The following PHACTR3 variants were observed in gnomAD, a reference collection of about 807,000 sequenced individuals.
The protein encoded by PHACTR3 is protein phosphatase 1, regulatory subunit 123.
PHACTR3 carries 16 observed loss-of-function variants against 66.8 expected under a neutral mutation model. The ratio of observed to expected loss-of-function variants is 0.24; its 90% CI spans 0.16 to 0.36. The LOEUF is 0.36. Ranked by LOEUF, PHACTR3 falls within the 10% of genes least tolerant of loss-of-function variation. The probability of loss-of-function intolerance (pLI) is 1.00; values close to 1 mark genes in which losing one functional copy is unlikely to be tolerated. For missense variants in PHACTR3, 647 were observed against 719.9 expected (o/e 0.90, Z 1.16); for synonymous variants, 323 against 292.1 (o/e 1.11, Z -1.08).
intron 1 of PHACTR3, among the ~76,000 whole-genome samples, chr20:59,732,039 T>C (rs1174413341): frequency 6.6e-6 from 1 of 152,222 alleles, no homozygotes; most frequent in Non-Finnish European, 1.5e-5. Flanking sequence ...CTGATAGGTC[T>C]GTTTAGGAAA....
chr20:59,617,404 T>C (rs2034067241), intron 1 of PHACTR3, among the ~76,000 whole-genome samples: 1 of 152,232 alleles, frequency 6.6e-6, no homozygotes. Flanking sequence ...TTCTCAGGAA[T>C]ATACATCACT....
chr20:59,604,719 T>A lies in PHACTR3; in HGVS notation c.-296T>A. ...TTTCCTGGTTCAACTTTTTTTTTTT[T>A]CCCTGGAATATAGACTGAAGAATGG... On this transcript the variant is annotated 5_prime_UTR_variant, in exon 1 of 13. Coordinates refer to ENST00000371015, the MANE Select transcript of PHACTR3 (RefSeq NM_080672.5). 9.5e-7 allele frequency: 1 copy of A among 1,051,180 alleles called. No homozygotes were observed. The highest frequency in any genetic ancestry group is 1.1e-6 in the Non-Finnish European group (1 of 875,792). The allele number at this position is 1,051,180 out of a possible 1,614,324, so 65.1% of individuals were successfully genotyped here.
chr20:59,802,023 G>T (rs1321824868), intron 7 of PHACTR3, among the ~76,000 whole-genome samples: 1 of 152,166 alleles, frequency 6.6e-6, no homozygotes, highest in Non-Finnish European at 1.5e-5. Flanking sequence ...CTGGGAGTGT[G>T]GTCGCTGGAG....
chr20:59,681,325 G>A (rs865282), intron 1 of PHACTR3, among the ~76,000 whole-genome samples: 36,066 of 152,076 alleles, frequency 0.24, 4,846 homozygotes, highest in East Asian at 0.62. Flanking sequence ...AGACGTTAAG[G>A]GTTGTGGAGT....
At chr20:59,670,535 G>C (rs1354249365) in intron 1 of PHACTR3, among the ~76,000 whole-genome samples, 2 of 146,566 alleles carry the variant, frequency 1.4e-5, no homozygotes, top group East Asian at 4.2e-4. Flanking sequence ...TCAATTACGT[G>C]GAAGCCTCCA....
chr20:59,746,648 T>C (rs1293911976), intron 2 of PHACTR3, among the ~76,000 whole-genome samples: 3 of 152,256 alleles, frequency 2.0e-5, no homozygotes, highest in Non-Finnish European at 4.4e-5. Flanking sequence ...CTGTTTGTCA[T>C]CTGCCTCCCC....
intron 7 of PHACTR3, among the ~76,000 whole-genome samples, chr20:59,782,014 C>T (rs1379940675): frequency 6.6e-6 from 1 of 152,090 alleles, no homozygotes. Flanking sequence ...CTATATGTCC[C>T]AATCTAGGCC....
chr20:59,612,290 G>A (rs193005071), intron 1 of PHACTR3, among the ~76,000 whole-genome samples: 300 of 152,192 alleles, frequency 2.0e-3, no homozygotes, highest in Admixed American at 3.3e-3. Context: ...GTCAGGGTGT[G>A]TGCCTGCTGG....
At chr20:59,734,433 G>A (rs180848322) in intron 1 of PHACTR3, among the ~76,000 whole-genome samples, 4 of 151,518 alleles carry the variant, frequency 2.6e-5, no homozygotes, top group East Asian at 1.9e-4. Context: ...TTTTTCCTTC[G>A]TTTTTGTAGA....
intron 7 of PHACTR3, among the ~76,000 whole-genome samples, chr20:59,800,633 C>A (rs2041384420): frequency 6.6e-6 from 1 of 152,204 alleles, no homozygotes; most frequent in African/African-American, 2.4e-5. Context: ...GGCCCAGACA[C>A]AGTTTTCTTT....
chr20:59,603,112 G>A (rs543344787), upstream of PHACTR3, among the ~76,000 whole-genome samples: 5 of 152,208 alleles, frequency 3.3e-5, no homozygotes, highest in Admixed American at 6.5e-5. Context: ...TGGATAAAAC[G>A]TATCTATTCC....
chr20:59,823,094 A>G (rs2042095527), intron 8 of PHACTR3, among the ~76,000 whole-genome samples: 1 of 152,196 alleles, frequency 6.6e-6, no homozygotes, highest in South Asian at 2.1e-4. Flanking sequence ...ACCCCAAAGG[A>G]TCTTAGCCCT....
chr20:59,801,634 G>T (rs891742101), intron 7 of PHACTR3, among the ~76,000 whole-genome samples: 1 of 152,156 alleles, frequency 6.6e-6, no homozygotes, highest in African/African-American at 2.4e-5. Flanking sequence ...TGGCTTATTT[G>T]TTCCTCTTGC....
intron 1 of PHACTR3, among the ~76,000 whole-genome samples, chr20:59,675,703 G>A (rs1239752431): frequency 6.6e-6 from 1 of 152,120 alleles, no homozygotes; most frequent in Non-Finnish European, 1.5e-5. Flanking sequence ...CTGGCCTCTG[G>A]CATGTAGCTG....
chr20:59,605,153 G>A (rs2033614396), intron 1 of PHACTR3, 21 bp downstream of exon 1: 7 of 1,285,844 alleles, frequency 5.4e-6, no homozygotes, highest in African/African-American at 3.1e-5. Flanking sequence ...GGGCGGGGGC[G>A]GCGGGCGGGT....
intron 7 of PHACTR3, among the ~76,000 whole-genome samples, chr20:59,783,833 G>A (rs1036051392): frequency 2.0e-5 from 3 of 152,240 alleles, no homozygotes; most frequent in Non-Finnish European, 2.9e-5. Flanking sequence ...GCACCAGATG[G>A]ACACAGGCAA....
intron 1 of PHACTR3, among the ~76,000 whole-genome samples, chr20:59,655,306 A>G (rs1219741399): frequency 2.6e-5 from 4 of 152,046 alleles, no homozygotes; most frequent in Admixed American, 2.0e-4. Flanking sequence ...TTCACATACT[A>G]TACACTTCAC....
At chr20:59,707,604 CT>C (rs1022369386) in intron 1 of PHACTR3, among the ~76,000 whole-genome samples, 5 of 152,028 alleles carry the variant, frequency 3.3e-5, no homozygotes, top group Non-Finnish European at 7.4e-5. Context: ...GTGGCTGGGA[CT>C]AGGGGGCATG....
At chr20:59,636,101 TTGTCTA>T (rs1373497928) in intron 1 of PHACTR3, among the ~76,000 whole-genome samples, 3 of 152,248 alleles carry the variant, frequency 2.0e-5, no homozygotes, top group Non-Finnish European at 4.4e-5. Flanking sequence ...GAAAAATTGC[TTGTCTA>T]TATTTTCATC....
Sources: allele counts gnomAD v4.1 joint callset (sites outside exome capture counted in the v4.1 genomes callset), GRCh38; gene constraint gnomAD v4.1.1; transcripts MANE v1.5; gene names NCBI Gene and HGNC (gene_info 2026-07-23, HGNC 2026-07-21).